Variants in TMED3 observed in about 807,000 individuals in gnomAD.
TMED3 encodes the protein transmembrane emp24 domain-containing protein 3.
TMED3 carries 9 observed loss-of-function variants against 15.0 expected under a neutral mutation model. The ratio of observed to expected loss-of-function variants is 0.60; its 90% CI spans 0.36 to 1.04. The LOEUF (loss-of-function observed/expected upper bound fraction) is 1.04. Ranked by LOEUF, TMED3 falls within the 50% of genes least tolerant of loss-of-function variation. The pLI, the probability that TMED3 is intolerant of heterozygous loss-of-function variation, is 0.01. For synonymous variants in TMED3, 117 were observed against 121.4 expected, an observed-to-expected ratio of 0.96 and a Z score of 0.24; for missense variants, 267 against 278.9, an observed-to-expected ratio of 0.96 and a Z score of 0.30.
chr15:79,325,586 A>G (rs1282567558), downstream of TMED3, among the ~76,000 whole-genome samples: 1 of 152,222 alleles, frequency 6.6e-6, no homozygotes, highest in Non-Finnish European at 1.5e-5. Context: ...TTTATTAAGG[A>G]GAATTGACTC....
chr15:79,407,773 C>T lies in TMED3; in HGVS notation c.418-3627C>T, dbSNP rs181266907. 1.6e-4 allele frequency among the ~76,000 whole-genome samples: 24 copies of T among 152,252 alleles called. No homozygotes were observed. In the East Asian group the frequency reaches 4.6e-3, roughly 29 times the overall value. On this transcript the variant is annotated intron_variant, in intron 2 of 2. Coordinates refer to the TMED3 transcript ENST00000424155. ...AAGTCTAAAACATTTTTTACCTGAC[C>T]CCTGACAGGAAACGTTTGCTCACGC...
At chr15:79,387,438 C>T (rs189252168) in intron 2 of TMED3, among the ~76,000 whole-genome samples, 3 of 152,230 alleles carry the variant, frequency 2.0e-5, no homozygotes, top group South Asian at 2.1e-4. Context: ...ACTACAGTGA[C>T]GTGATAATTG....
intron 2 of TMED3, among the ~76,000 whole-genome samples, chr15:79,316,478 T>C (rs1052857425): frequency 2.6e-5 from 4 of 152,188 alleles, no homozygotes; most frequent in Non-Finnish European, 5.9e-5. Flanking sequence ...AGCTTCTACT[T>C]CCCTGTCTTT....
chr15:79,359,677 C>T (rs1254602359), intron 2 of TMED3, among the ~76,000 whole-genome samples: 1 of 152,166 alleles, frequency 6.6e-6, no homozygotes, highest in African/African-American at 2.4e-5. Context: ...TTGTTTCTGA[C>T]AGCTGAAGAG....
intron 2 of TMED3, among the ~76,000 whole-genome samples, chr15:79,315,147 G>A (rs2058735441): frequency 6.6e-6 from 1 of 152,214 alleles, no homozygotes; most frequent in African/African-American, 2.4e-5. Context: ...ACACTCACGA[G>A]TGCCTGTGGA....
chr15:79,330,376 T>C (rs1231736040), intron 2 of TMED3, among the ~76,000 whole-genome samples: 1 of 146,616 alleles, frequency 6.8e-6, no homozygotes, highest in Non-Finnish European at 1.5e-5. Context: ...CAGTAACATT[T>C]ATATATACAA....
chr15:79,411,757 AGTG>A, exon 3 of TMED3: 1 of 450,342 alleles, frequency 2.2e-6, no homozygotes, highest in Non-Finnish European at 4.1e-6. Flanking sequence ...TGCTTGGAGA[AGTG>A]GTAGGGGCAG....
intron 2 of TMED3, among the ~76,000 whole-genome samples, chr15:79,390,438 A>T (rs544635167): frequency 6.6e-6 from 1 of 152,142 alleles, no homozygotes; most frequent in African/African-American, 2.4e-5. Context: ...CCAGTATGAA[A>T]CCCACTTGAT....
At chr15:79,385,494 AG>A (rs1383595752) in intron 2 of TMED3, among the ~76,000 whole-genome samples, 1 of 152,164 alleles carries the variant, frequency 6.6e-6, no homozygotes, top group Non-Finnish European at 1.5e-5. Flanking sequence ...GCACCTGGGA[AG>A]GTGGCTGCAG....
intron 2 of TMED3, among the ~76,000 whole-genome samples, chr15:79,361,216 A>G (rs1893121983): frequency 6.6e-6 from 1 of 152,172 alleles, no homozygotes; most frequent in Non-Finnish European, 1.5e-5. Context: ...CAATTCTGCC[A>G]TTTGCTGGTG....
downstream of TMED3, among the ~76,000 whole-genome samples, chr15:79,326,942 C>T (rs2058789671): frequency 6.6e-6 from 1 of 152,164 alleles, no homozygotes; most frequent in African/African-American, 2.4e-5. Flanking sequence ...AGGGTGCTTC[C>T]ACTCATGGCA....
At chr15:79,386,033 T>C (rs186671415) in intron 2 of TMED3, among the ~76,000 whole-genome samples, 1 of 152,276 alleles carries the variant, frequency 6.6e-6, no homozygotes, top group Non-Finnish European at 1.5e-5. Context: ...GAAAGTAGTA[T>C]GAATAATGGA....
intron 2 of TMED3, among the ~76,000 whole-genome samples, chr15:79,353,509 A>ATATTTTATAAATTTTATG (rs2058906401): frequency 6.7e-6 from 1 of 148,758 alleles, no homozygotes; most frequent in Non-Finnish European, 1.5e-5. Context: ...AAAATTTTAT[A>ATATTTTATAAATTTTATG]TATTTTCCCA....
At chr15:79,311,837 C>T (rs1004798072) in intron 1 of TMED3, among the ~76,000 whole-genome samples, 5 of 152,162 alleles carry the variant, frequency 3.3e-5, no homozygotes, top group Admixed American at 6.5e-5. Context: ...GAAGTGGGCT[C>T]ATAGTTTTAG....
chr15:79,366,612 G>GAGCTTACTTTCAAGCTTTCATGCT, intron 2 of TMED3, among the ~76,000 whole-genome samples: 2 of 152,142 alleles, frequency 1.3e-5, no homozygotes, highest in Admixed American at 1.3e-4. Context: ...TCCATGCTTG[G>GAGCTTACTTTCAAGCTTTCATGCT]TTCGGGGATA....
At chr15:79,315,251 A>G (rs1048595470) in intron 2 of TMED3, among the ~76,000 whole-genome samples, 2 of 152,212 alleles carry the variant, frequency 1.3e-5, no homozygotes, top group Admixed American at 6.5e-5. Context: ...GGCTATTTAA[A>G]TTAATTAAAA....
chr15:79,348,371 A>G (rs1360968365), intron 2 of TMED3, among the ~76,000 whole-genome samples: 1 of 152,224 alleles, frequency 6.6e-6, no homozygotes, highest in Non-Finnish European at 1.5e-5. Flanking sequence ...CTTGTCAAAT[A>G]TATGTATATA....
At chr15:79,395,156 G>A (rs906132616) in intron 2 of TMED3, among the ~76,000 whole-genome samples, 1 of 152,018 alleles carries the variant, frequency 6.6e-6, no homozygotes, top group Non-Finnish European at 1.5e-5. Flanking sequence ...TTTGGAAACT[G>A]TAGATGATGT....
In TMED3 at chr15:79,322,429, G is replaced by A; in HGVS notation, c.*215G>A. The A allele has an allele frequency of 7.1e-7, 1 of 1,398,626 alleles. No individual in the cohort carries two copies. The allele number at this position is 1,398,626 out of a possible 1,614,324, so 86.6% of individuals were successfully genotyped here. A position where few individuals can be genotyped will look rare whatever the true frequency, so the allele number is the denominator to read the frequency against. On this transcript the variant is annotated 3_prime_UTR_variant, in exon 3 of 3. Transcript: ENST00000299705. Reference sequence around the variant, plus strand: ...GAAGGCATCCGACTGCATTAAGTGTGCAGCGCTGAAAAGACATTTACAACT... The same window carrying A: ...GAAGGCATCCGACTGCATTAAGTGTACAGCGCTGAAAAGACATTTACAACT...
Sources: gnomAD v4.1 joint callset for allele counts (sites outside exome capture counted in the v4.1 genomes callset) on GRCh38, gnomAD v4.1.1 for gene constraint, MANE v1.5 for transcripts, NCBI Gene and HGNC (gene_info 2026-07-23, HGNC 2026-07-21) for gene names.